Variants in EDA observed in about 807,000 individuals in gnomAD.
EDA encodes ectodysplasin A.
EDA carries 2 observed loss-of-function variants against 23.6 expected under a neutral mutation model. The ratio of observed to expected loss-of-function variants is 0.08; its 90% CI spans 0.03 to 0.27. The LOEUF (loss-of-function observed/expected upper bound fraction) is 0.27. EDA is among the 10% of genes least tolerant of loss of function. The probability of loss-of-function intolerance (pLI) is 1.00; values close to 1 mark genes in which losing one functional copy is unlikely to be tolerated. For missense variants in EDA, 229 were observed against 324.2 expected, an observed-to-expected ratio of 0.71 and a Z score of 2.26; for synonymous variants, 131 against 132.0, an observed-to-expected ratio of 0.99 and a Z score of 0.05.
intron 2 of EDA, among the ~76,000 whole-genome samples, chrX:69,961,466 A>G (rs2019101659): frequency 8.9e-6 from 1 of 112,204 alleles, no homozygotes; most frequent in Non-Finnish European, 1.9e-5. Flanking sequence ...TCATCAGACT[A>G]TTAAACTAGT....
At chrX:69,723,146 A>C (rs915680514) in intron 1 of EDA, among the ~76,000 whole-genome samples, 2 of 112,243 alleles carry the variant, frequency 1.8e-5, no homozygotes, top group African/African-American at 3.2e-5. Context: ...CACCTAATTT[A>C]ATTGCAACTG....
At chrX:69,995,077 G>A (rs1174462506) in intron 2 of EDA, among the ~76,000 whole-genome samples, 1 of 112,135 alleles carries the variant, frequency 8.9e-6, no homozygotes, top group African/African-American at 3.2e-5. Flanking sequence ...AACAACACAT[G>A]TCAAAAATCC....
In EDA at chrX:69,832,593, A is replaced by G. The variant is rs939403474; in HGVS notation, c.397-124434A>G. On this transcript the variant is annotated intron_variant, in intron 1 of 7. Coordinates refer to ENST00000374552, the MANE Select transcript of EDA (RefSeq NM_001399.5). Reference sequence around the variant, plus strand: ...CTGTGAAGAAAGTCATTGGTAGCTCAATGGGGATGGCATTGAATCTATAAA... The same window carrying G: ...CTGTGAAGAAAGTCATTGGTAGCTCGATGGGGATGGCATTGAATCTATAAA... Among the ~76,000 whole-genome samples the G allele has an allele frequency of 2.2e-3, 246 of 111,445 alleles. 2 individuals carry two copies. The highest frequency in any genetic ancestry group is 2.9e-3 in the Non-Finnish European group (155 of 53,025).
chrX:69,674,102 C>CCTATCTATCTAT lies in EDA; in HGVS notation c.396+57432_396+57443dup, dbSNP rs201928323. ...TTATTGAACAATATTGTAGGAAAAG[C>CCTATCTATCTAT]CTATCTATCTATCTATCTATCTATC... On this transcript the variant is annotated intron_variant, in intron 1 of 7. Transcript: ENST00000374552. Among the ~76,000 whole-genome samples, 361 of 105,593 alleles carry CCTATCTATCTAT rather than the reference C, an allele frequency of 3.4e-3. 3 individuals carry two copies. The highest frequency in any genetic ancestry group is 0.011 in the African/African-American group (313 of 29,031). The allele number at this position is 105,593 out of a possible 115,157, so 91.7% of individuals were successfully genotyped here.
At chrX:69,960,238 G>T (rs373901439) in intron 2 of EDA, among the ~76,000 whole-genome samples, 44 of 111,606 alleles carry the variant, frequency 3.9e-4, no homozygotes, top group African/African-American at 9.8e-4. Context: ...TGGAAGCAGT[G>T]TGGGTGGGGA....
At chrX:69,926,073 G>A (rs759533197) in intron 1 of EDA, among the ~76,000 whole-genome samples, 1 of 109,579 alleles carries the variant, frequency 9.1e-6, no homozygotes, top group East Asian at 2.9e-4. Context: ...TCTAGCTAGT[G>A]GTCTATTTTG....
rs1394618126 is a variant in EDA at position 70,037,118 on chromosome X, C to T, written c.*1509C>T. 8.9e-6 allele frequency: 1 copy of T among 112,659 alleles called. No homozygotes were observed. Among genetic ancestry groups the T allele is most frequent in the African/African-American group, 3.2e-5 (1 of 31,011 alleles). 9.3% of individuals were successfully genotyped at this position (112,659 alleles called of 1,213,427 possible). A position where few individuals can be genotyped will look rare whatever the true frequency, so the allele number is the denominator to read the frequency against. On this transcript the variant is annotated 3_prime_UTR_variant, in exon 8 of 8. Transcript: ENST00000374552. ...TTCTGGGTGCTAGATCCAGCCCAAA[C>T]CTGGGAAGGCCAGCCTTGTACAGTC...
intron 1 of EDA, among the ~76,000 whole-genome samples, chrX:69,639,993 G>A (rs1287907086): frequency 8.9e-6 from 1 of 111,931 alleles, no homozygotes; most frequent in African/African-American, 3.2e-5. Flanking sequence ...TTTTCCTAAT[G>A]CCATTTGTTG....
At chrX:69,708,358 G>T (rs2011820996) in intron 1 of EDA, among the ~76,000 whole-genome samples, 1 of 111,438 alleles carries the variant, frequency 9.0e-6, no homozygotes, top group African/African-American at 3.3e-5. Flanking sequence ...TGCTGTGATT[G>T]GTGGACACTC....
At chrX:69,780,670 G>A (rs1169089692) in intron 1 of EDA, among the ~76,000 whole-genome samples, 2 of 110,687 alleles carry the variant, frequency 1.8e-5, no homozygotes, top group Non-Finnish European at 3.8e-5. Flanking sequence ...GTGATAGTGA[G>A]TGAGTTCTCA....
intron 1 of EDA, among the ~76,000 whole-genome samples, chrX:69,796,639 A>T (rs1298055261): frequency 1.8e-5 from 2 of 112,243 alleles, no homozygotes; most frequent in African/African-American, 6.5e-5. Context: ...ATGTGCAGAT[A>T]TCAAATAAAG....
chrX:69,858,115 T>C (rs12861785), intron 1 of EDA, among the ~76,000 whole-genome samples: 33,375 of 111,076 alleles, frequency 0.3, 4,714 homozygotes, highest in Middle Eastern at 0.54. Context: ...GTGTATCAGC[T>C]TAAGAAGCTT....
chrX:69,730,151 A>G (rs1227440924), intron 1 of EDA, among the ~76,000 whole-genome samples: 2 of 111,585 alleles, frequency 1.8e-5, no homozygotes, highest in Admixed American at 9.6e-5. Context: ...GGTGTGAGCT[A>G]CTGCACCAGC....
At chrX:69,845,570 A>C in intron 1 of EDA, among the ~76,000 whole-genome samples, 1 of 112,111 alleles carries the variant, frequency 8.9e-6, no homozygotes, top group East Asian at 2.8e-4. Flanking sequence ...CTATTCGCTC[A>C]AGAAGTTATG....
chrX:69,843,282 G>A (rs1266106346), intron 1 of EDA, among the ~76,000 whole-genome samples: 2 of 111,330 alleles, frequency 1.8e-5, no homozygotes, highest in African/African-American at 6.5e-5. Flanking sequence ...TATGTTATAG[G>A]ATACATACAG....
chrX:69,849,285 T>C (rs1177705271), intron 1 of EDA, among the ~76,000 whole-genome samples: 1 of 111,561 alleles, frequency 9.0e-6, no homozygotes, highest in Non-Finnish European at 1.9e-5. Flanking sequence ...TATTTTCTAC[T>C]CCCAGTGCTA....
At chrX:69,755,640 C>G (rs1023355806) in intron 1 of EDA, among the ~76,000 whole-genome samples, 4 of 112,575 alleles carry the variant, frequency 3.6e-5, no homozygotes, top group African/African-American at 1.3e-4. Context: ...GCCTTTTGTT[C>G]AGCTATGCCC....
intron 1 of EDA, among the ~76,000 whole-genome samples, chrX:69,679,663 G>A (rs1466245937): frequency 9.0e-6 from 1 of 111,503 alleles, no homozygotes; most frequent in Non-Finnish European, 1.9e-5. Context: ...GATCGGTGGT[G>A]ATATCCTCTT....
chrX:69,856,555 T>C (rs1602486882), intron 1 of EDA, among the ~76,000 whole-genome samples: 2 of 110,949 alleles, frequency 1.8e-5, no homozygotes, highest in East Asian at 2.9e-4. Flanking sequence ...ATTATGGCCA[T>C]TCTTGTAGTA....
Sources: gnomAD v4.1 joint callset for allele counts (sites outside exome capture counted in the v4.1 genomes callset) on GRCh38, gnomAD v4.1.1 for gene constraint, MANE v1.5 for transcripts, NCBI Gene and HGNC (gene_info 2026-07-23, HGNC 2026-07-21) for gene names.